Variants in RIOK3 observed in about 807,000 individuals in gnomAD.
The protein encoded by RIOK3 is RIO kinase 3, also known as serine/threonine-protein kinase RIO3.
In RIOK3, 40 loss-of-function variants were observed where a neutral mutation model predicts 63.5. That is an observed-to-expected ratio of 0.63 (90% CI 0.49 to 0.82). The LOEUF is 0.82. Ranked by LOEUF, RIOK3 falls within the 40% of genes least tolerant of loss-of-function variation. The probability of loss-of-function intolerance (pLI) is 0.00; values close to 1 mark genes in which losing one functional copy is unlikely to be tolerated. For missense variants in RIOK3, 557 were observed against 637.0 expected, an observed-to-expected ratio of 0.87 and a Z score of 1.35; for synonymous variants, 193 against 205.0, an observed-to-expected ratio of 0.94 and a Z score of 0.50.
At position 23,473,356 on chromosome 18, in the gene RIOK3, A is replaced by G. The variant is rs145593865; in HGVS notation, c.816-73A>G. The G allele has an allele frequency of 4.2e-4, 371 of 883,006 alleles. 1 individual carries two copies. The African/African-American group carries it at 5.8e-3, about 14-fold the overall frequency. The allele number at this position is 883,006 out of a possible 1,614,324, so 54.7% of individuals were successfully genotyped here. A position where few individuals can be genotyped will look rare whatever the true frequency, so the allele number is the denominator to read the frequency against. ...AGGTAGATCTAATTTAGTGTTACAG[A>G]ATCTTTATTTTGAAATTGTTGTACT... On this transcript the variant is annotated intron_variant, in intron 7 of 12. Coordinates refer to ENST00000339486, the MANE Select transcript of RIOK3 (RefSeq NM_003831.5).
At chr18:23,463,863 A>G in intron 2 of RIOK3, 104 bp from the exon 3 acceptor site, 2 of 958,482 alleles carry the variant, frequency 2.1e-6, no homozygotes, top group Non-Finnish European at 1.6e-6. Flanking sequence ...GTTCTTTCCC[A>G]TTGTTCAATT....
At position 23,481,337 on chromosome 18, in the gene RIOK3, A is replaced by G; in HGVS notation, c.*58A>G. 1 of 1,101,002 alleles carries G rather than the reference A, an allele frequency of 9.1e-7. No homozygotes were observed. Among genetic ancestry groups the G allele is most frequent in the Non-Finnish European group, 1.3e-6 (1 of 763,046 alleles). The allele number at this position is 1,101,002 out of a possible 1,614,324, so 68.2% of individuals were successfully genotyped here. On this transcript the variant is annotated 3_prime_UTR_variant, in exon 13 of 13. Coordinates refer to ENST00000339486, the MANE Select transcript of RIOK3 (RefSeq NM_003831.5). ...CAGTGATTGTCAGCTGCCAATAGCA[A>G]ATGAAGTTATGGGTGACTTGAAATA...
At chr18:23,468,900 G>A (rs1052301703) in intron 7 of RIOK3, among the ~76,000 whole-genome samples, 2 of 152,166 alleles carry the variant, frequency 1.3e-5, no homozygotes, top group East Asian at 3.9e-4. Context: ...CTAGGTGTTG[G>A]CCAGGCTGTG....
chr18:23,471,187 G>A (rs1303657366), intron 7 of RIOK3, among the ~76,000 whole-genome samples: 1 of 152,192 alleles, frequency 6.6e-6, no homozygotes, highest in African/African-American at 2.4e-5. Flanking sequence ...GTTAAAATAG[G>A]ATGATGTCAT....
At chr18:23,463,849 T>TA in intron 2 of RIOK3, 118 bp from the exon 3 acceptor site, 1 of 837,598 alleles carries the variant, frequency 1.2e-6, no homozygotes, top group Admixed American at 2.5e-5. Context: ...AATGGTTTGA[T>TA]AGAGTTCTTT....
chr18:23,457,335 C>T lies in RIOK3; in HGVS notation c.63+3833C>T, dbSNP rs530382471. ...AAAAAATAAATAAATAGCGGTACTC[C>T]TCAAAACTGTCAAAGTTATCAAAAA... On this transcript the variant is annotated intron_variant, in intron 1 of 12. Transcript: ENST00000339486. Among the ~76,000 whole-genome samples the T allele has an allele frequency of 1.8e-3, 273 of 152,222 alleles. 1 individual carries two copies. Among genetic ancestry groups the T allele is most frequent in the Middle Eastern group, 0.014 (4 of 294 alleles).
At chr18:23,466,819 T>TG in intron 6 of RIOK3, among the ~76,000 whole-genome samples, 1 of 148,550 alleles carries the variant, frequency 6.7e-6, no homozygotes, top group African/African-American at 2.5e-5. Context: ...AGGGAGACCC[T>TG]GGGAGACCCT....
Position 23,475,095 on chromosome 18 carries a change from TC to T in RIOK3, c.1162del (p.Gln388LysfsTer5), listed in dbSNP as rs1270302033. The T allele has an allele frequency of 1.9e-6, 3 of 1,610,106 alleles. No individual in the cohort carries two copies. Among genetic ancestry groups the T allele is most frequent in the Non-Finnish European group, 2.5e-6 (3 of 1,178,276 alleles). ...GTGAAGAAATGAAAGAAGCCTACTA[TC>T]AAACTCTTCATGTAAGTTGTGCTTT... ...NSEEMKEAYYQTLHLMRQLYH... is the reference protein window; with the variant it reads ...NSEEMKEAYYXTLHLMRQLYH... On this transcript the variant is annotated frameshift_variant, in exon 9 of 13. Coordinates refer to ENST00000339486, the MANE Select transcript of RIOK3 (RefSeq NM_003831.5). LOFTEE classifies it high-confidence loss of function.
rs2057496317 is a variant in RIOK3 at position 23,477,085 on chromosome 18, A to G, written c.1253A>G (p.Lys418Arg). Reference protein sequence around the residue: ...SEYNMLWHAGKVWLIDVSQSV... With the variant: ...SEYNMLWHAGRVWLIDVSQSV... ...TATAACATGCTGTGGCATGCTGGAA[A>G]GGTGAGGAGCACATTTTGTTAACAT... is the stretch of plus-strand genomic sequence containing the variant. Residue 418 changes from lysine (K) to arginine (R), a missense_variant and splice_region_variant, in exon 10 of 13, where the codon AAG becomes AGG. This residue lies in a region of RIOK3 where 309 missense variants were observed against 338.7 expected (regional missense o/e 0.91). Transcript: ENST00000339486. 6.2e-7 allele frequency: 1 copy of G among 1,613,786 alleles called. No individual in the cohort carries two copies. Among genetic ancestry groups the G allele is most frequent in the Non-Finnish European group, 8.5e-7 (1 of 1,179,802 alleles).
At chr18:23,469,332 T>TCTCC (rs2057433913) in intron 7 of RIOK3, among the ~76,000 whole-genome samples, 1 of 12,452 alleles carries the variant, frequency 8.0e-5, no homozygotes, top group Non-Finnish European at 1.5e-4. Flanking sequence ...TCTCTCTCTC[T>TCTCC]CTCTCCCCCT....
intron 6 of RIOK3, among the ~76,000 whole-genome samples, chr18:23,467,028 A>G (rs1194165702): frequency 6.6e-6 from 1 of 151,292 alleles, no homozygotes; most frequent in African/African-American, 2.4e-5. Context: ...AAAAAAAAAG[A>G]TATTAGGCCA....
chr18:23,473,503 A>G lies in RIOK3; in HGVS notation c.890A>G (p.Asn297Ser), dbSNP rs758241947. The change falls in exon 8 of 13, where the codon AAT (asparagine) becomes AGT (serine). Residue 297 changes from asparagine to serine, a missense_variant. Asn to Ser is a conservative substitution (Grantham distance 46, BLOSUM62 1). This residue lies in a region of RIOK3 where 309 missense variants were observed against 338.7 expected (regional missense o/e 0.91). Transcript: ENST00000339486. Reference sequence around the variant, plus strand: ...ATCAAGGTATTTAAAACAACCCTTAATGAATTTAAGAATCGTGACAAATAT... The same window carrying G: ...ATCAAGGTATTTAAAACAACCCTTAGTGAATTTAAGAATCGTGACAAATAT... ...CAIKVFKTTL[N>S]EFKNRDKYIK... 18 of 1,612,854 alleles carry G rather than the reference A, an allele frequency of 1.1e-5. No homozygotes were observed. The highest frequency in any genetic ancestry group is 1.4e-5 in the Non-Finnish European group (17 of 1,179,120).
intron 9 of RIOK3, among the ~76,000 whole-genome samples, chr18:23,476,674 C>T (rs987332541): frequency 3.9e-5 from 6 of 151,930 alleles, no homozygotes; most frequent in African/African-American, 7.3e-5. Context: ...TCTGGGAGGC[C>T]GAGGTGGGCA....
chr18:23,478,999 A>C, intron 11 of RIOK3: 1 of 249,238 alleles, frequency 4.0e-6, no homozygotes, highest in Non-Finnish European at 8.1e-6. Context: ...GGAAGCAGGA[A>C]AATCGATGGT....
At chr18:23,455,391 TC>T (rs1306315649) in intron 1 of RIOK3, among the ~76,000 whole-genome samples, 5 of 139,168 alleles carry the variant, frequency 3.6e-5, no homozygotes, top group Admixed American at 7.6e-5. Flanking sequence ...TTTTTTTTTT[TC>T]TTTTTCTTTT....
chr18:23,475,392 G>A (rs949366651), intron 9 of RIOK3, among the ~76,000 whole-genome samples: 5 of 149,106 alleles, frequency 3.4e-5, no homozygotes, highest in Non-Finnish European at 4.4e-5. Context: ...GAACCAGGGA[G>A]GTAGAGGTTG....
intron 1 of RIOK3, among the ~76,000 whole-genome samples, chr18:23,459,612 G>A (rs961255859): frequency 6.6e-6 from 1 of 152,206 alleles, no homozygotes; most frequent in Admixed American, 6.5e-5. Flanking sequence ...AATAAAGAAG[G>A]AAGAAAAACC....
Position 23,453,833 on chromosome 18 carries a change from GTTT to G in RIOK3, c.63+334_63+336del, listed in dbSNP as rs1159636371. On this transcript the variant is annotated intron_variant, in intron 1 of 12. Transcript: ENST00000339486. ...CTGGAGGGGAAACAAGCACGATCTT[GTTT>G]TTCACTGGCCAAGTGAGTCAGCCGA... Among the ~76,000 whole-genome samples the G allele has an allele frequency of 2.6e-5, 4 of 152,232 alleles. No homozygotes were observed. In the East Asian group the frequency reaches 7.7e-4, roughly 29 times the overall value.
intron 11 of RIOK3, 21 bp downstream of exon 11, chr18:23,477,289 G>A (rs1184513834): frequency 6.3e-7 from 1 of 1,583,688 alleles, no homozygotes; most frequent in Non-Finnish European, 8.7e-7. Flanking sequence ...AAACCAATAT[G>A]CCTTTTTTTG....
Sources: gnomAD v4.1 joint callset for allele counts (sites outside exome capture counted in the v4.1 genomes callset) on GRCh38, gnomAD v4.1.1 for gene constraint, gnomAD v4.1.1 regional missense constraint, MANE v1.5 for transcripts, NCBI Gene and HGNC (gene_info 2026-07-23, HGNC 2026-07-21) for gene names.